Variants in SCARA5 observed in about 807,000 individuals in gnomAD.
SCARA5 encodes the protein scavenger receptor class A, member 5 (putative).
SCARA5 carries 45 observed loss-of-function variants against 46.3 expected under a neutral mutation model. The observed-to-expected ratio is 0.97, with a 90% confidence interval of 0.76 to 1.24. The LOEUF (loss-of-function observed/expected upper bound fraction) is 1.24. Ranked by LOEUF, SCARA5 falls within the 50% of genes most tolerant of loss-of-function variation. The pLI is 0.00. For missense variants in SCARA5, 680 were observed against 689.0 expected (o/e 0.99, Z 0.15); for synonymous variants, 333 against 306.5 (o/e 1.09, Z -0.90).
chr8:27,985,087 T>G (rs1200264172), intron 2 of SCARA5, among the ~76,000 whole-genome samples: 3 of 152,166 alleles, frequency 2.0e-5, no homozygotes, highest in Non-Finnish European at 4.4e-5. Context: ...AAAACAGAGA[T>G]GCCTACTGTG....
At chr8:27,902,271 T>C (rs886231730) in intron 7 of SCARA5, among the ~76,000 whole-genome samples, 1 of 152,122 alleles carries the variant, frequency 6.6e-6, no homozygotes, top group East Asian at 1.9e-4. Flanking sequence ...CACCTCTTGC[T>C]GTACAGTCAA....
Position 27,922,039 on chromosome 8 carries a change from C to A in SCARA5, c.448G>T (p.Glu150Ter). The change falls in exon 4 of 9, where the codon GAG becomes TAG. Residue 150 changes from glutamate to a stop codon, truncating the protein, a stop_gained. Transcript: ENST00000354914. LOFTEE classifies it high-confidence loss of function. ...GCCTGCAGCCCCCACAGCGCGCCCT[C>A]CAGCCGCTGCACTGCGCCCGCCAGC... ...LALAGAVQRL[E>*]GALWGLQAQA... 6.3e-7 allele frequency: 1 copy of A among 1,575,680 alleles called. No individual in the cohort carries two copies. Among genetic ancestry groups the A allele is most frequent in the Non-Finnish European group, 8.6e-7 (1 of 1,166,678 alleles).
chr8:27,933,238 TC>T (rs1470452013), intron 3 of SCARA5, among the ~76,000 whole-genome samples: 1 of 152,132 alleles, frequency 6.6e-6, no homozygotes, highest in Non-Finnish European at 1.5e-5. Flanking sequence ...CAGGGCAGAT[TC>T]AGCTGGGCAC....
At chr8:27,919,237 A>AGTCGGAGGAG (rs1807542129) in intron 4 of SCARA5, among the ~76,000 whole-genome samples, 1 of 52,084 alleles carries the variant, frequency 1.9e-5, no homozygotes, top group African/African-American at 6.7e-5. Flanking sequence ...GAGGAGGAAG[A>AGTCGGAGGAG]GACGGAGGAG....
At chr8:27,969,138 C>T (rs1042292494) in intron 2 of SCARA5, among the ~76,000 whole-genome samples, 12 of 152,178 alleles carry the variant, frequency 7.9e-5, no homozygotes, top group African/African-American at 2.4e-4. Flanking sequence ...AAGACAACGA[C>T]AAGTCACAAA....
chr8:27,947,580 C>T (rs1394404191), intron 3 of SCARA5, among the ~76,000 whole-genome samples: 1 of 152,124 alleles, frequency 6.6e-6, no homozygotes, highest in African/African-American at 2.4e-5. Context: ...CTGCTTCAAC[C>T]TGGATGAACT....
rs146729645 is a variant in SCARA5, at chr8:27,928,826, C to T, written c.242-6581G>A. Reference sequence around the variant, plus strand: ...GACTACAGGCACCCACCACCACACCCGGCTAGTTTTTGTATTTTTAGTAGG... The same window carrying T: ...GACTACAGGCACCCACCACCACACCTGGCTAGTTTTTGTATTTTTAGTAGG... On this transcript the variant is annotated intron_variant, in intron 3 of 8. Coordinates refer to ENST00000354914, the MANE Select transcript of SCARA5 (RefSeq NM_173833.6). Among the ~76,000 whole-genome samples the T allele has an allele frequency of 4.1e-3, 619 of 152,078 alleles. 4 individuals are homozygous for T. The highest frequency in any genetic ancestry group is 0.012 in the African/African-American group (507 of 41,482).
intron 2 of SCARA5, 60 bp downstream of exon 2, chr8:27,987,444 G>A: frequency 1.7e-6 from 2 of 1,161,786 alleles, no homozygotes; most frequent in East Asian, 2.3e-5. Context: ...GTGGTGGTAG[G>A]GCTCCTTCCC....
intron 3 of SCARA5, among the ~76,000 whole-genome samples, chr8:27,929,616 G>C (rs78772804): frequency 0.024 from 3,614 of 152,256 alleles, 137 homozygotes; most frequent in African/African-American, 0.083. Context: ...CAGGAAGTCA[G>C]GAGATTGCCT....
At chr8:27,891,986 A>G (rs1259237768) in intron 7 of SCARA5, among the ~76,000 whole-genome samples, 1 of 152,220 alleles carries the variant, frequency 6.6e-6, no homozygotes, top group African/African-American at 2.4e-5. Context: ...GGTGTGTGCC[A>G]TGCTCACAGC....
At chr8:27,934,511 A>C (rs1807825175) in intron 3 of SCARA5, among the ~76,000 whole-genome samples, 1 of 152,194 alleles carries the variant, frequency 6.6e-6, no homozygotes, top group South Asian at 2.1e-4. Flanking sequence ...CAGGCTTTCC[A>C]TTCTCCAGCA....
chr8:27,983,384 G>A (rs768822846), intron 2 of SCARA5, among the ~76,000 whole-genome samples: 48 of 152,168 alleles, frequency 3.2e-4, no homozygotes, highest in Non-Finnish European at 5.9e-4. Flanking sequence ...CAGGCTTAAG[G>A]CAGATTCTGC....
At chr8:27,938,812 C>T (rs910736195) in intron 3 of SCARA5, among the ~76,000 whole-genome samples, 3 of 152,180 alleles carry the variant, frequency 2.0e-5, no homozygotes, top group Non-Finnish European at 2.9e-5. Flanking sequence ...ACCCACCCAT[C>T]GTAAACTAGT....
chr8:27,958,063 G>T (rs1808232920), intron 3 of SCARA5, among the ~76,000 whole-genome samples: 1 of 152,236 alleles, frequency 6.6e-6, no homozygotes, highest in South Asian at 2.1e-4. Flanking sequence ...TTGCCTAGAA[G>T]GATTGCAGTG....
At chr8:27,894,611 C>T (rs1269725551) in intron 7 of SCARA5, among the ~76,000 whole-genome samples, 2 of 152,206 alleles carry the variant, frequency 1.3e-5, no homozygotes, top group African/African-American at 4.8e-5. Flanking sequence ...GATCTGGGAT[C>T]AAGCCCCGGC....
At chr8:27,887,625 T>C (rs1221214539) in intron 7 of SCARA5, among the ~76,000 whole-genome samples, 1 of 152,164 alleles carries the variant, frequency 6.6e-6, no homozygotes, top group Non-Finnish European at 1.5e-5. Context: ...CTTTTTCTTG[T>C]AATGCCCACC....
In SCARA5 at chr8:27,969,973, T is replaced by G. The variant is rs542572995; in HGVS notation, c.113-3431A>C. On this transcript the variant is annotated intron_variant, in intron 2 of 8. Transcript: ENST00000354914. ...AAATAGCCCCCACGATCCCAGCACCTTCTGCAATCAACCCCCTTCCACGTT... is the reference window on the plus strand; with the variant it reads ...AAATAGCCCCCACGATCCCAGCACCGTCTGCAATCAACCCCCTTCCACGTT... Among the ~76,000 whole-genome samples, 3 of 152,240 alleles carry G rather than the reference T, an allele frequency of 2.0e-5. 1 individual carries two copies. Among genetic ancestry groups the G allele is most frequent in the African/African-American group, 7.2e-5 (3 of 41,540 alleles).
At chr8:27,925,547 A>C (rs978118560) in intron 3 of SCARA5, among the ~76,000 whole-genome samples, 7 of 152,206 alleles carry the variant, frequency 4.6e-5, no homozygotes, top group Middle Eastern at 3.2e-3. Context: ...AAGAAAACCT[A>C]GGCAATACCA....
Position 27,972,852 on chromosome 8 carries a change from C to A in SCARA5, c.113-6310G>T, listed in dbSNP as rs192955528. On this transcript the variant is annotated intron_variant, in intron 2 of 8. Transcript: ENST00000354914. ...CTCCAGCCTGAGTGGCAGAGCAAGA[C>A]CCTGACTCCCAAAAAGAGAAAAAAG... is the stretch of plus-strand genomic sequence containing the variant. Among the ~76,000 whole-genome samples, 108 of 152,142 alleles carry A rather than the reference C, an allele frequency of 7.1e-4. 2 individuals are homozygous for A. Among genetic ancestry groups the A allele is most frequent in the Admixed American group, 5.9e-3 (91 of 15,300 alleles).
Sources: allele counts gnomAD v4.1 joint callset (sites outside exome capture counted in the v4.1 genomes callset), GRCh38; gene constraint gnomAD v4.1.1; transcripts MANE v1.5; gene names NCBI Gene and HGNC (gene_info 2026-07-23, HGNC 2026-07-21).